MYO3A: variants seen among roughly 807,000 people sequenced by gnomAD.
The protein encoded by MYO3A is myosin-IIIa.
A neutral mutation model predicts 192.7 loss-of-function variants in MYO3A; 180 were observed. The ratio of observed to expected loss-of-function variants is 0.93; its 90% CI spans 0.83 to 1.06. MYO3A has a LOEUF of 1.06. Ranked by LOEUF, MYO3A falls within the 50% of genes least tolerant of loss-of-function variation. The pLI is 0.00. For synonymous variants in MYO3A, 628 were observed against 645.3 expected (o/e 0.97, Z 0.41); for missense variants, 1,896 against 1,905.0 (o/e 1.00, Z 0.09).
intron 20 of MYO3A, among the ~76,000 whole-genome samples, chr10:26,141,604 C>T (rs1006999586): frequency 1.3e-5 from 2 of 152,130 alleles, no homozygotes; most frequent in Non-Finnish European, 1.5e-5. Flanking sequence ...ATAAAACAGA[C>T]AAAAGTTGTT....
chr10:26,205,482 G>GGT (rs1564645924), intron 34 of MYO3A, among the ~76,000 whole-genome samples: 2 of 144,140 alleles, frequency 1.4e-5, no homozygotes, highest in African/African-American at 2.6e-5. Flanking sequence ...TTTTTTTTGG[G>GGT]GGGGGGCTTC....
In MYO3A at chr10:26,015,884, T is replaced by G. The variant is rs139436926; in HGVS notation, c.509-936T>G. Among the ~76,000 whole-genome samples, 192 of 152,288 alleles carry G rather than the reference T, an allele frequency of 1.3e-3. 1 individual carries two copies. The highest frequency in any genetic ancestry group is 4.2e-3 in the African/African-American group (174 of 41,568). On this transcript the variant is annotated intron_variant, in intron 6 of 34. Coordinates refer to ENST00000642920, the MANE Select transcript of MYO3A (RefSeq NM_017433.5). ...ATAAAATATATTTCCATTTTAAATC[T>G]CCTTTAGTACCTTTCCTCTACTTGG... is the stretch of plus-strand genomic sequence containing the variant.
At chr10:26,009,455 G>A (rs2130993473) in intron 6 of MYO3A, among the ~76,000 whole-genome samples, 1 of 152,298 alleles carries the variant, frequency 6.6e-6, no homozygotes, top group African/African-American at 2.4e-5. Flanking sequence ...GCAGGCCCAA[G>A]GGGACTGGAA....
At chr10:26,014,432 A>G (rs897022390) in intron 6 of MYO3A, among the ~76,000 whole-genome samples, 3 of 152,148 alleles carry the variant, frequency 2.0e-5, no homozygotes, top group Non-Finnish European at 2.9e-5. Flanking sequence ...CTGCATGCCA[A>G]TATAAAAGTC....
rs959496538 is a variant in MYO3A at position 26,104,052 on chromosome 10, A to G, written c.1776+7370A>G. On this transcript the variant is annotated intron_variant, in intron 17 of 34. Transcript: ENST00000642920. ...CTAATTGGGTTATTGTCTTTTTATTATTGAGTTGTAGAAATTTTTTATAAT... is the reference window on the plus strand; with the variant it reads ...CTAATTGGGTTATTGTCTTTTTATTGTTGAGTTGTAGAAATTTTTTATAAT... Among the ~76,000 whole-genome samples the G allele has an allele frequency of 2.7e-5, 4 of 150,684 alleles. No individual in the cohort carries two copies. In the South Asian group the frequency reaches 8.4e-4, roughly 31 times the overall value.
chr10:26,124,336 ATATAT>A (rs949387586), intron 18 of MYO3A, among the ~76,000 whole-genome samples: 3 of 152,142 alleles, frequency 2.0e-5, no homozygotes, highest in African/African-American at 7.2e-5. Flanking sequence ...AAAATTATTG[ATATAT>A]TATCATATTT....
At chr10:26,146,364 AATCT>A (rs1840464622) in intron 22 of MYO3A, among the ~76,000 whole-genome samples, 2 of 152,256 alleles carry the variant, frequency 1.3e-5, no homozygotes, top group Non-Finnish European at 2.9e-5. Flanking sequence ...CTAAAGAAAC[AATCT>A]ATTAGTCTGC....
chr10:26,082,756 TTCTCTCTCTC>T (rs59341701), intron 14 of MYO3A, among the ~76,000 whole-genome samples: 3 of 149,584 alleles, frequency 2.0e-5, no homozygotes, highest in East Asian at 3.9e-4. Flanking sequence ...CTCTCTCTTT[TTCTCTCTCTC>T]TCTCTCTCTC....
At chr10:26,084,688 C>G (rs1588925222) in intron 14 of MYO3A, among the ~76,000 whole-genome samples, 1 of 152,056 alleles carries the variant, frequency 6.6e-6, no homozygotes, top group East Asian at 1.9e-4. Flanking sequence ...ATTCGTTGTA[C>G]AGATGAGGTC....
intron 15 of MYO3A, among the ~76,000 whole-genome samples, chr10:26,093,216 A>G (rs1445791745): frequency 1.3e-5 from 2 of 152,206 alleles, no homozygotes; most frequent in Non-Finnish European, 2.9e-5. Flanking sequence ...AACATTCACA[A>G]TTGCACTGTA....
chr10:26,186,188 G>A (rs953957973), intron 31 of MYO3A, among the ~76,000 whole-genome samples: 9 of 151,876 alleles, frequency 5.9e-5, no homozygotes, highest in Admixed American at 3.3e-4. Context: ...TTCCTAAAAG[G>A]CTCTAGAAAT....
intron 5 of MYO3A, 91 bp from the exon 6 acceptor site, chr10:25,997,068 T>C (rs562378199): frequency 1.6e-5 from 15 of 931,206 alleles, no homozygotes; most frequent in African/African-American, 1.2e-4. Context: ...TTATTATGTG[T>C]TTCCTATTGA....
chr10:26,119,442 T>C (rs1838717211), intron 17 of MYO3A, among the ~76,000 whole-genome samples: 1 of 152,182 alleles, frequency 6.6e-6, no homozygotes, highest in South Asian at 2.1e-4. Context: ...TGAATAGATA[T>C]CCCACATATA....
chr10:26,072,603 T>C (rs1203475374), intron 14 of MYO3A, among the ~76,000 whole-genome samples: 1 of 152,098 alleles, frequency 6.6e-6, no homozygotes, highest in Non-Finnish European at 1.5e-5. Context: ...TGATACTTTT[T>C]TTGAGAGGCC....
At chr10:25,971,715 T>C (rs1838659182) in intron 4 of MYO3A, among the ~76,000 whole-genome samples, 1 of 152,230 alleles carries the variant, frequency 6.6e-6, no homozygotes, top group Non-Finnish European at 1.5e-5. Flanking sequence ...GTTGTTAACA[T>C]TGTTAGTTCC....
chr10:26,101,159 T>A (rs1837426611), intron 17 of MYO3A, among the ~76,000 whole-genome samples: 1 of 152,234 alleles, frequency 6.6e-6, no homozygotes, highest in East Asian at 1.9e-4. Context: ...AATGGCCTTC[T>A]TTGTCTCTTT....
chr10:26,102,993 C>T (rs549382140), intron 17 of MYO3A, among the ~76,000 whole-genome samples: 2 of 152,346 alleles, frequency 1.3e-5, no homozygotes, highest in South Asian at 4.1e-4. Context: ...TGCCCTTCCC[C>T]CAGAGGTGGA....
rs1417442611 is a variant in MYO3A, at chr10:26,059,487, A to G, written c.954-7488A>G. ...CCTATTGATGTGATGAAATATATTAATTTATTTCACCCATCAGTCACCACC... is the reference window on the plus strand; with the variant it reads ...CCTATTGATGTGATGAAATATATTAGTTTATTTCACCCATCAGTCACCACC... On this transcript the variant is annotated intron_variant, in intron 10 of 34. Transcript: ENST00000642920. Among the ~76,000 whole-genome samples, 5 of 152,208 alleles carry G rather than the reference A, an allele frequency of 3.3e-5. No homozygotes were observed. The East Asian group carries it at 9.7e-4, about 29-fold the overall frequency.
At position 26,145,251 on chromosome 10, in the gene MYO3A, CGTAATGTAAT is replaced by C. The variant is rs5783963; in HGVS notation, c.2417-193_2417-184del. ...TGGCTTGAGGACTGATGCCCTAAAT[CGTAATGTAAT>C]GGTGGAAATTAATGATCTTGAGTTT... On this transcript the variant is annotated intron_variant, in intron 21 of 34. Coordinates refer to ENST00000642920, the MANE Select transcript of MYO3A (RefSeq NM_017433.5). Among the ~76,000 whole-genome samples the C allele has an allele frequency of 2.2e-3, 331 of 150,684 alleles. 9 individuals are homozygous for C. The highest frequency in any genetic ancestry group is 0.017 in the Admixed American group (262 of 15,178).
Sources: gnomAD v4.1 joint callset for allele counts (sites outside exome capture counted in the v4.1 genomes callset) on GRCh38, gnomAD v4.1.1 for gene constraint, MANE v1.5 for transcripts, NCBI Gene and HGNC (gene_info 2026-07-23, HGNC 2026-07-21) for gene names.